Variants in XPO7 observed in about 807,000 individuals in gnomAD.
XPO7 encodes the protein exportin 7.
Under a neutral mutation model 144.3 loss-of-function variants are expected in XPO7, and 21 were observed. The ratio of observed to expected loss-of-function variants is 0.15; its 90% confidence interval spans 0.10 to 0.21. XPO7 has a LOEUF of 0.21. Among genes scored for constraint, XPO7 ranks in the 10% least tolerant of loss-of-function variants. The pLI, the probability that XPO7 is intolerant of heterozygous loss-of-function variation, is 1.00. For missense variants in XPO7, 808 were observed against 1,325.8 expected, an observed-to-expected ratio of 0.61 and a Z score of 6.06; for synonymous variants, 580 against 499.6, an observed-to-expected ratio of 1.16 and a Z score of -2.15.
intron 8 of XPO7, among the ~76,000 whole-genome samples, chr8:21,978,493 G>T (rs1198749511): frequency 6.6e-6 from 1 of 152,206 alleles, no homozygotes; most frequent in East Asian, 1.9e-4. Flanking sequence ...GGCCATTGTA[G>T]CACTTCTCCA....
intron 1 of XPO7, among the ~76,000 whole-genome samples, chr8:21,948,441 C>T (rs561226848): frequency 2.6e-5 from 4 of 152,272 alleles, no homozygotes; most frequent in African/African-American, 7.2e-5. Flanking sequence ...AGGTGTATTG[C>T]AGGTATGCCA....
chr8:21,966,328 C>A, intron 1 of XPO7: 1 of 780,206 alleles, frequency 1.3e-6, no homozygotes, highest in South Asian at 1.3e-5. Context: ...GTAAATACAT[C>A]TTGAAGCTTT....
At chr8:21,963,327 A>G (rs1403262853) in intron 1 of XPO7, among the ~76,000 whole-genome samples, 3 of 152,008 alleles carry the variant, frequency 2.0e-5, no homozygotes, top group African/African-American at 7.2e-5. Flanking sequence ...AGTGTCATTG[A>G]CTCCTTCCTA....
chr8:21,968,204 T>C (rs1217517594), intron 2 of XPO7, among the ~76,000 whole-genome samples: 2 of 152,226 alleles, frequency 1.3e-5, no homozygotes, highest in Non-Finnish European at 2.9e-5. Context: ...AAAGAATTGC[T>C]TAATCAAAAT....
chr8:21,919,885 C>T (rs1810208713), intron 1 of XPO7, 97 bp downstream of exon 1: 1 of 295,106 alleles, frequency 3.4e-6, no homozygotes. Context: ...GCTCGGGACT[C>T]GGCAGGCCCG....
chr8:21,931,623 A>C (rs1217327811), intron 1 of XPO7, among the ~76,000 whole-genome samples: 1 of 152,236 alleles, frequency 6.6e-6, no homozygotes, highest in Non-Finnish European at 1.5e-5. Context: ...GCATGCATTT[A>C]ATGCAAGAAA....
intron 1 of XPO7, among the ~76,000 whole-genome samples, chr8:21,946,574 GAAAAAAAAAAACA>G (rs1554512847): frequency 7.1e-4 from 63 of 89,044 alleles, no homozygotes; most frequent in South Asian, 4.9e-3. Flanking sequence ...TTCTAGAACT[GAAAAAAAAAAACA>G]AAAAAAAAAA....
intron 1 of XPO7, among the ~76,000 whole-genome samples, chr8:21,939,628 A>G (rs891771322): frequency 6.6e-6 from 1 of 152,240 alleles, no homozygotes; most frequent in African/African-American, 2.4e-5. Context: ...TACTTGTAAT[A>G]TGAGCTGTCT....
At chr8:22,004,783 A>G (rs546457414) in intron 27 of XPO7, among the ~76,000 whole-genome samples, 3 of 152,178 alleles carry the variant, frequency 2.0e-5, no homozygotes, top group South Asian at 4.2e-4. Flanking sequence ...TTGTGCTGCC[A>G]TGAGCCCAAG....
chr8:21,946,597 A>AC (rs1811200432), intron 1 of XPO7, among the ~76,000 whole-genome samples: 1 of 150,814 alleles, frequency 6.6e-6, no homozygotes, highest in Non-Finnish European at 1.5e-5. Flanking sequence ...AAAAAAAAAA[A>AC]ACATGAATCT....
chr8:21,991,116 T>C (rs576751181), intron 18 of XPO7, among the ~76,000 whole-genome samples, 197 bp downstream of exon 18: 7 of 152,348 alleles, frequency 4.6e-5, no homozygotes, highest in African/African-American at 1.7e-4. Context: ...AGTAACAGTC[T>C]GCTCCTGAAG....
intron 1 of XPO7, among the ~76,000 whole-genome samples, chr8:21,926,986 A>G (rs1227655322): frequency 1.3e-5 from 2 of 152,198 alleles, no homozygotes; most frequent in African/African-American, 4.8e-5. Context: ...CCTTAGTCTT[A>G]ATATTTTGAA....
rs1325641418 is a variant in XPO7, at chr8:22,005,469, A to AAAAC, written c.*385_*388dup. 1 of 157,558 alleles carries AAAAC rather than the reference A, an allele frequency of 6.3e-6. No individual in the cohort carries two copies. The highest frequency in any genetic ancestry group is 1.4e-5 in the Non-Finnish European group (1 of 71,446). 9.8% of individuals were successfully genotyped at this position (157,558 alleles called of 1,614,324 possible). ...CAAGGTTTATATTGACTCAAGTTTA[A>AAAAC]AAACAAAAAGTGTGACTGAAAAATT... On this transcript the variant is annotated 3_prime_UTR_variant, in exon 28 of 28. Transcript: ENST00000252512.
intron 1 of XPO7, among the ~76,000 whole-genome samples, chr8:21,934,456 C>G (rs927877016): frequency 1.3e-5 from 2 of 152,054 alleles, no homozygotes; most frequent in East Asian, 3.8e-4. Context: ...TCACTTGAAC[C>G]TGGGAGGCAG....
At chr8:21,970,853 C>G (rs1036987733) in intron 4 of XPO7, among the ~76,000 whole-genome samples, 2 of 152,068 alleles carry the variant, frequency 1.3e-5, no homozygotes, top group African/African-American at 4.8e-5. Context: ...TGTTGTAGCA[C>G]AATTTATTTT....
intron 2 of XPO7, among the ~76,000 whole-genome samples, chr8:21,967,968 G>A (rs73221582): frequency 6.6e-6 from 1 of 152,196 alleles, no homozygotes; most frequent in Non-Finnish European, 1.5e-5. Flanking sequence ...TCAGCAGCAA[G>A]CACTGGCCTT....
chr8:21,967,402 C>T (rs1208852560), intron 2 of XPO7, among the ~76,000 whole-genome samples: 1 of 152,194 alleles, frequency 6.6e-6, no homozygotes, highest in East Asian at 1.9e-4. Context: ...GTGATCTTGG[C>T]TCACTGCAAC....
At chr8:21,941,364 C>A (rs113441466) in intron 1 of XPO7, among the ~76,000 whole-genome samples, 37 of 152,210 alleles carry the variant, frequency 2.4e-4, no homozygotes, top group Admixed American at 1.1e-3. Flanking sequence ...GTTACCCAGG[C>A]TGGTCTCAAA....
chr8:21,992,387 C>G (rs574688626), intron 19 of XPO7, among the ~76,000 whole-genome samples: 1 of 152,078 alleles, frequency 6.6e-6, no homozygotes, highest in Non-Finnish European at 1.5e-5. Flanking sequence ...TCAGTGATGT[C>G]AAGTTTCTAC....
Sources: gnomAD v4.1 joint callset for allele counts (sites outside exome capture counted in the v4.1 genomes callset) on GRCh38, gnomAD v4.1.1 for gene constraint, MANE v1.5 for transcripts, NCBI Gene and HGNC (gene_info 2026-07-23, HGNC 2026-07-21) for gene names.